The following EML2 variants were observed in gnomAD, a reference collection of about 807,000 sequenced individuals.
EML2 encodes EMAP like 2, also known as echinoderm microtubule-associated protein-like 2.
In EML2, 59 loss-of-function variants were observed where a neutral mutation model predicts 84.7. That is an observed-to-expected ratio of 0.70 (90% confidence interval 0.56 to 0.86). The LOEUF (loss-of-function observed/expected upper bound fraction) is 0.86. Among genes scored for constraint, EML2 ranks in the 40% least tolerant of loss-of-function variants. The probability of loss-of-function intolerance (pLI) is 0.00; values close to 1 mark genes in which losing one functional copy is unlikely to be tolerated. For synonymous variants in EML2, 352 were observed against 348.9 expected, an observed-to-expected ratio of 1.01 and a Z score of -0.10; for missense variants, 818 against 855.6, an observed-to-expected ratio of 0.96 and a Z score of 0.55.
intron 11 of EML2, chr19:45,620,673 G>A (rs1265458602): frequency 1.0e-4 from 18 of 178,722 alleles, no homozygotes; most frequent in East Asian, 5.5e-4. Context: ...GAGCCACTGC[G>A]CTGCAGCCTG....
At chr19:45,612,144 A>C (rs1248898262) in intron 18 of EML2, among the ~76,000 whole-genome samples, 1 of 151,768 alleles carries the variant, frequency 6.6e-6, no homozygotes, top group Admixed American at 6.6e-5. Flanking sequence ...GGCTCACTGC[A>C]ACCTCTACTT....
In EML2 at chr19:45,617,697, C is replaced by T. The variant is rs768243899; in HGVS notation, c.1255G>A (p.Asp419Asn). Reference sequence around the variant, plus strand: ...TGGAAGCCGGCTGAGCGGGCAGGGTCCTGAGAAGGGAGAGAGAAGAGGCAG... The same window carrying T: ...TGGAAGCCGGCTGAGCGGGCAGGGTTCTGAGAAGGGAGAGAGAAGAGGCAG... ...HQPLWSRIIE[D>N]PARSAGFHPS... Residue 419 changes from aspartate (D) to asparagine (N), a missense_variant and splice_region_variant, in exon 13 of 19, where the codon GAC becomes AAC. Asp to Asn is a conservative substitution (Grantham distance 23). Coordinates refer to ENST00000245925, the MANE Select transcript of EML2 (RefSeq NM_012155.4). 1 of 1,613,464 alleles carries T rather than the reference C, an allele frequency of 6.2e-7. No individual in the cohort carries two copies. Among genetic ancestry groups the T allele is most frequent in the Non-Finnish European group, 8.5e-7 (1 of 1,179,752 alleles).
intron 18 of EML2, among the ~76,000 whole-genome samples, chr19:45,610,796 T>C (rs1600052889): frequency 6.6e-6 from 1 of 151,570 alleles, no homozygotes; most frequent in East Asian, 2.0e-4. Context: ...GCCGAGATCG[T>C]GCCACTGCAC....
At chr19:45,641,589 G>T, upstream of EML2, 3 of 1,511,632 alleles carry the variant, frequency 2.0e-6, no homozygotes, top group South Asian at 3.6e-5. Flanking sequence ...TACATTTCTC[G>T]ACCATTTCCT....
At chr19:45,643,865 G>A, upstream of EML2, 1 of 1,090,614 alleles carries the variant, frequency 9.2e-7, no homozygotes, top group East Asian at 2.7e-5. Context: ...AGGTCAGAAG[G>A]AGTGAGCCGT....
intron 6 of EML2, 100 bp downstream of exon 6, chr19:45,632,761 G>A (rs920021075): frequency 9.7e-7 from 1 of 1,031,348 alleles, no homozygotes; most frequent in Non-Finnish European, 1.4e-6. Context: ...GCCTCCAGCA[G>A]GATTCCCGGC....
intron 6 of EML2, among the ~76,000 whole-genome samples, chr19:45,631,695 G>A (rs1381669575): frequency 1.3e-5 from 2 of 151,528 alleles, no homozygotes; most frequent in Non-Finnish European, 2.9e-5. Flanking sequence ...GGCATGAACC[G>A]CATCTGACCA....
rs765986079 is a variant in EML2, at chr19:45,609,671, C to T, written c.1942G>A (p.Val648Met). 4 of 1,604,214 alleles carry T rather than the reference C, an allele frequency of 2.5e-6. No homozygotes were observed. The highest frequency in any genetic ancestry group is 2.7e-5 in the African/African-American group (2 of 74,222). ...GKDTSVLQWR[V>M]V The stretch of plus-strand genomic sequence containing the variant: ...ACTCTTCCCTGGCCGCATCAGACCA[C>T]CCGCCACTGTAGCACACTGGTGTCC... Residue 648 changes from valine (V) to methionine (M), a missense_variant, in exon 19 of 19, where the codon GTG (valine) becomes ATG (methionine). Val to Met is a conservative substitution (Grantham distance 21, BLOSUM62 1). Transcript: ENST00000245925.
chr19:45,643,565 C>T (rs778180030), upstream of EML2: 67 of 1,536,084 alleles, frequency 4.4e-5, no homozygotes, highest in African/African-American at 7.8e-4. Context: ...CCTTTTCCCG[C>T]AGAATACTCA....
rs1972377041 is a variant in EML2, at chr19:45,626,731, A to G, written c.715T>C (p.Leu239=). The G allele has an allele frequency of 1.2e-6, 2 of 1,613,676 alleles. No homozygotes were observed. Among genetic ancestry groups the G allele is most frequent in the Non-Finnish European group, 1.7e-6 (2 of 1,179,832 alleles). Residue 239 remains leucine, a synonymous_variant, in exon 8 of 19, where the codon TTG becomes CTG. Transcript: ENST00000245925. Reference sequence around the variant, plus strand: ...TCAAAGAGGCCTTGCCGCTTGCTCAAGCTGCCCCCCTCCAAGGTCCAGAAG... The same window carrying G: ...TCAAAGAGGCCTTGCCGCTTGCTCAGGCTGCCCCCCTCCAAGGTCCAGAAG... The part of the protein sequence containing the change: ...IYFWTLEGGS[L]SKRQGLFEKH...
At chr19:45,614,816 C>T (rs1327218874) in intron 16 of EML2, 116 bp from the exon 17 acceptor site, 1 of 796,470 alleles carries the variant, frequency 1.3e-6, no homozygotes, top group South Asian at 1.5e-5. Flanking sequence ...GGTCCCAGGG[C>T]TCATTCTACC....
At chr19:45,637,969 G>T (rs925906416) in intron 3 of EML2, among the ~76,000 whole-genome samples, 1 of 151,664 alleles carries the variant, frequency 6.6e-6, no homozygotes, top group African/African-American at 2.4e-5. Context: ...GAGCCACCGC[G>T]CCCGGCCTGC....
At chr19:45,642,496 A>C (rs898261648), upstream of EML2, 19 of 1,430,060 alleles carry the variant, frequency 1.3e-5, no homozygotes, top group Non-Finnish European at 1.6e-5. Flanking sequence ...CTTGGACATG[A>C]GCCAAGGAAG....
At position 45,609,504 on chromosome 19, in the gene EML2, C is replaced by T. The variant is rs911990834; in HGVS notation, c.*159G>A. On this transcript the variant is annotated 3_prime_UTR_variant, in exon 19 of 19. Transcript: ENST00000245925. ...CCAAAGCGATGTGACTCCCTCTTCCCACCCGGATAAATAGAGACTTCTGTA... is the reference window on the plus strand; with the variant it reads ...CCAAAGCGATGTGACTCCCTCTTCCTACCCGGATAAATAGAGACTTCTGTA... 3 of 817,900 alleles carry T rather than the reference C, an allele frequency of 3.7e-6. No homozygotes were observed. Among genetic ancestry groups the T allele is most frequent in the Non-Finnish European group, 5.1e-6 (3 of 590,084 alleles). 50.7% of individuals were successfully genotyped at this position (817,900 alleles called of 1,614,324 possible).
upstream of EML2, chr19:45,645,154 A>T: frequency 8.6e-7 from 1 of 1,165,420 alleles, no homozygotes; most frequent in Non-Finnish European, 1.2e-6. Context: ...GCTGAGGGAG[A>T]GAAAAGGGGG....
chr19:45,616,600 C>G, intron 14 of EML2, 42 bp from the exon 15 acceptor site: 1 of 1,522,704 alleles, frequency 6.6e-7, no homozygotes, highest in Non-Finnish European at 9.1e-7. Flanking sequence ...CACCCAGGCT[C>G]CATCCCCTCC....
chr19:45,610,424 G>A (rs1050627285), intron 18 of EML2, among the ~76,000 whole-genome samples: 1 of 151,858 alleles, frequency 6.6e-6, no homozygotes. Context: ...AGAACAGCTG[G>A]GCATGGTGGC....
Position 45,615,940 on chromosome 19 carries a change from G to C in EML2, c.1510-51C>G, listed in dbSNP as rs1485760793. ...TAGAGCTGCAGAGGGCGGAACCAAG[G>C]AGAGGGGGACAGGATTAAATCAGGA... On this transcript the variant is annotated intron_variant, in intron 15 of 18. Coordinates refer to ENST00000245925, the MANE Select transcript of EML2 (RefSeq NM_012155.4). The C allele has an allele frequency of 2.2e-6, 3 of 1,373,056 alleles. No homozygotes were observed. The South Asian group carries it at 3.5e-5, about 16-fold the overall frequency. 85.1% of individuals were successfully genotyped at this position (1,373,056 alleles called of 1,614,324 possible). A position where few individuals can be genotyped will look rare whatever the true frequency, so the allele number is the denominator to read the frequency against.
intron 18 of EML2, among the ~76,000 whole-genome samples, chr19:45,610,704 G>A (rs1201060417): frequency 6.6e-6 from 1 of 152,166 alleles, no homozygotes; most frequent in Admixed American, 6.5e-5. Flanking sequence ...GCCGGGCGTG[G>A]TGGCACACGC....
Sources: gnomAD v4.1 joint callset for allele counts (sites outside exome capture counted in the v4.1 genomes callset) on GRCh38, gnomAD v4.1.1 for gene constraint, MANE v1.5 for transcripts, NCBI Gene and HGNC (gene_info 2026-07-23, HGNC 2026-07-21) for gene names.